The following CEP128 variants were observed in gnomAD, a reference collection of about 807,000 sequenced individuals.
CEP128 encodes centrosomal protein 128, also known as centrosomal protein 128kDa.
A neutral mutation model predicts 156.7 loss-of-function variants in CEP128; 132 were observed. The observed-to-expected ratio is 0.84, with a 90% CI of 0.73 to 0.97. The LOEUF (loss-of-function observed/expected upper bound fraction) is 0.97, where lower values mean the gene tolerates loss of function less well. Ranked by LOEUF, CEP128 falls within the 50% of genes least tolerant of loss-of-function variation. CEP128 has a pLI of 0.00. For missense variants in CEP128, 1,252 were observed against 1,281.9 expected (o/e 0.98, Z 0.36); for synonymous variants, 469 against 448.9 (o/e 1.04, Z -0.57).
At chr14:80,954,038 G>A (rs1168801028) in intron 2 of CEP128, among the ~76,000 whole-genome samples, 4 of 152,280 alleles carry the variant, frequency 2.6e-5, no homozygotes, top group South Asian at 4.1e-4. Context: ...GGGAGGCCGA[G>A]GCGGGCGGAT....
chr14:80,612,812 A>G (rs1893045546), intron 19 of CEP128, among the ~76,000 whole-genome samples: 1 of 152,074 alleles, frequency 6.6e-6, no homozygotes, highest in African/African-American at 2.4e-5. Flanking sequence ...AAATCCATAA[A>G]GATCTCAGAA....
intron 6 of CEP128, among the ~76,000 whole-genome samples, chr14:80,903,671 A>G (rs1484727333): frequency 6.6e-6 from 1 of 152,210 alleles, no homozygotes; most frequent in South Asian, 2.1e-4. Flanking sequence ...AAAAAAATTT[A>G]AAATGGGCAG....
At chr14:80,804,685 T>C (rs10150034) in intron 13 of CEP128, among the ~76,000 whole-genome samples, 4,924 of 152,214 alleles carry the variant, frequency 0.032, 254 homozygotes, top group African/African-American at 0.11. Context: ...TATTCCTATT[T>C]TGTATTTATT....
At chr14:80,781,383 G>A (rs1901101876) in intron 15 of CEP128, among the ~76,000 whole-genome samples, 1 of 151,302 alleles carries the variant, frequency 6.6e-6, no homozygotes, top group African/African-American at 2.4e-5. Flanking sequence ...CTTGAACCCG[G>A]GAGGCGGAAG....
intron 19 of CEP128, among the ~76,000 whole-genome samples, chr14:80,738,197 A>G (rs978078562): frequency 2.0e-5 from 3 of 152,228 alleles, no homozygotes; most frequent in African/African-American, 7.2e-5. Flanking sequence ...TAAATAATGT[A>G]TAAGCACAAC....
chr14:80,853,474 T>G (rs1033679497), intron 9 of CEP128, among the ~76,000 whole-genome samples: 1 of 151,670 alleles, frequency 6.6e-6, no homozygotes, highest in Non-Finnish European at 1.5e-5. Flanking sequence ...ATGAAGCCAG[T>G]TGTACCCCTG....
At chr14:80,690,244 TAAA>T (rs552661665) in intron 19 of CEP128, among the ~76,000 whole-genome samples, 5 of 116,440 alleles carry the variant, frequency 4.3e-5, no homozygotes, top group Admixed American at 8.9e-5. Context: ...CTGTCTCTAT[TAAA>T]AAAAAAAAAA....
chr14:80,724,693 T>G (rs958275311), intron 19 of CEP128, among the ~76,000 whole-genome samples: 1 of 151,990 alleles, frequency 6.6e-6, no homozygotes, highest in Non-Finnish European at 1.5e-5. Flanking sequence ...GCTACTGATT[T>G]CTATACACTG....
chr14:80,507,140 A>G (rs1293339198), intron 23 of CEP128, among the ~76,000 whole-genome samples: 1 of 151,828 alleles, frequency 6.6e-6, no homozygotes, highest in African/African-American at 2.4e-5. Flanking sequence ...TGCCGGTATC[A>G]TGCCTGTATA....
rs1566689627 is a variant in CEP128 at position 80,880,901 on chromosome 14, TAATAATA to T, written c.645+14810_645+14816del. Among the ~76,000 whole-genome samples the T allele has an allele frequency of 1.5e-4, 21 of 139,094 alleles. No individual in the cohort carries two copies. The East Asian group carries it at 1.9e-3, about 12-fold the overall frequency. The allele number at this position is 139,094 out of a possible 152,430, so 91.3% of individuals were successfully genotyped here. On this transcript the variant is annotated intron_variant, in intron 8 of 24. Coordinates refer to ENST00000555265, the MANE Select transcript of CEP128 (RefSeq NM_152446.5). ...ATAATAATAATAATAATAATAATAA[TAATAATA>T]ATTTCAGTAAAGGATACAAAATCAA...
intron 19 of CEP128, among the ~76,000 whole-genome samples, chr14:80,641,384 G>A (rs987681392): frequency 2.6e-5 from 4 of 152,182 alleles, no homozygotes; most frequent in African/African-American, 4.8e-5. Context: ...TAGGGCCAGC[G>A]TGCCCTTTCC....
At chr14:80,597,725 T>C (rs907361187) in intron 19 of CEP128, among the ~76,000 whole-genome samples, 1 of 151,768 alleles carries the variant, frequency 6.6e-6, no homozygotes, top group African/African-American at 2.4e-5. Context: ...ATTTAGCAAC[T>C]TATAATAAGA....
intron 19 of CEP128, among the ~76,000 whole-genome samples, chr14:80,603,845 T>G (rs1892675969): frequency 1.3e-5 from 2 of 152,190 alleles, no homozygotes; most frequent in African/African-American, 4.8e-5. Flanking sequence ...CATTGTATTC[T>G]GCTCCAAAAA....
rs779554961 is a variant in CEP128, at chr14:80,784,951, T to A, written c.2155A>T (p.Met719Leu). ...TKHEQNIQELMKHFKKEKSEA... is the reference protein window; with the variant it reads ...TKHEQNIQELLKHFKKEKSEA... Reference sequence around the variant, plus strand: ...CTCTTTTCTTTCTTAAAGTGCTTCATAAGCTCCTGGATATTCTGTTCGTGT... The same window carrying A: ...CTCTTTTCTTTCTTAAAGTGCTTCAAAAGCTCCTGGATATTCTGTTCGTGT... Residue 719 changes from methionine to leucine, a missense_variant, in exon 15 of 25, where the codon ATG (methionine) becomes TTG (leucine). Physicochemically the swap from Met to Leu is conservative, Grantham distance 15. Transcript: ENST00000555265. 1.2e-6 allele frequency: 2 copies of A among 1,614,028 alleles called. No individual in the cohort carries two copies. Among genetic ancestry groups the A allele is most frequent in the East Asian group, 4.5e-5 (2 of 44,884 alleles).
At chr14:80,556,886 C>A (rs1361492948) in intron 21 of CEP128, among the ~76,000 whole-genome samples, 1 of 152,114 alleles carries the variant, frequency 6.6e-6, no homozygotes, top group African/African-American at 2.4e-5. Context: ...CTATAAAGTA[C>A]TTTATCAGTT....
intron 19 of CEP128, among the ~76,000 whole-genome samples, chr14:80,720,999 T>A (rs560779044): frequency 6.6e-6 from 1 of 152,332 alleles, no homozygotes; most frequent in East Asian, 1.9e-4. Flanking sequence ...GTTATCTTTA[T>A]CTGTTACCCA....
At chr14:80,571,629 T>C (rs1891142494) in intron 20 of CEP128, among the ~76,000 whole-genome samples, 1 of 152,216 alleles carries the variant, frequency 6.6e-6, no homozygotes, top group Non-Finnish European at 1.5e-5. Flanking sequence ...TTGCAGCTCA[T>C]TTTAGTTTTG....
At chr14:80,869,648 T>C (rs75434431) in intron 8 of CEP128, among the ~76,000 whole-genome samples, 13 of 151,972 alleles carry the variant, frequency 8.6e-5, no homozygotes, top group Non-Finnish European at 4.4e-5. Flanking sequence ...AAAAGATCCA[T>C]GAAACTAACA....
chr14:80,584,190 A>G (rs1891714794), intron 19 of CEP128, among the ~76,000 whole-genome samples: 1 of 126,358 alleles, frequency 7.9e-6, no homozygotes, highest in Non-Finnish European at 1.6e-5. Context: ...TCCGATGCCC[A>G]GACTGGAGTG....
Sources: allele counts gnomAD v4.1 joint callset (sites outside exome capture counted in the v4.1 genomes callset), GRCh38; gene constraint gnomAD v4.1.1; transcripts MANE v1.5; gene names NCBI Gene and HGNC (gene_info 2026-07-23, HGNC 2026-07-21).